The following GGCX variants were observed in gnomAD, a reference collection of about 807,000 sequenced individuals.
GGCX encodes vitamin K-dependent gamma-carboxylase.
Under a neutral mutation model 88.5 loss-of-function variants are expected in GGCX, and 63 were observed. The observed-to-expected ratio is 0.71, with a 90% confidence interval of 0.58 to 0.88. GGCX has a LOEUF of 0.88. Among genes scored for constraint, GGCX ranks in the 40% least tolerant of loss-of-function variants. The probability of loss-of-function intolerance (pLI) is 0.00; values close to 1 mark genes in which losing one functional copy is unlikely to be tolerated. For synonymous variants in GGCX, 368 were observed against 365.8 expected (o/e 1.01, Z -0.07); for missense variants, 805 against 932.9 (o/e 0.86, Z 1.79).
Position 85,546,079 on chromosome 2 carries a change from A to G in GGCX, c.*3855T>C, listed in dbSNP as rs1427145508. ...AGCTTGTCCTGCAAATGTAGAGCCA[A>G]GGAGTGCTTGCTTATGCCTGTTTGC... On this transcript the variant is annotated 3_prime_UTR_variant, in exon 15 of 15. Transcript: ENST00000233838. 6.6e-6 allele frequency: 1 copy of G among 152,244 alleles called. No individual in the cohort carries two copies. The highest frequency in any genetic ancestry group is 2.4e-5 in the African/African-American group (1 of 41,460). 9.4% of individuals were successfully genotyped at this position (152,244 alleles called of 1,614,324 possible).
At position 85,550,641 on chromosome 2, in the gene GGCX, G is replaced by A. The variant is rs774180247; in HGVS notation, c.1998C>T (p.Leu666=). ...VQTFLRRQQR[L]QEIERRRNTP... is the part of the protein sequence containing the mutation. ...TATTTCGCCGGCGTTCAATCTCCTG[G>A]AGCCTTTGTTGGCGTCTAAGAAAGG... Residue 666 remains leucine, a synonymous_variant, in exon 14 of 15, where the codon CTC becomes CTT. Coordinates refer to ENST00000233838, the MANE Select transcript of GGCX (RefSeq NM_000821.7). 1 of 1,613,922 alleles carries A rather than the reference G, an allele frequency of 6.2e-7. No individual in the cohort carries two copies. The highest frequency in any genetic ancestry group is 8.5e-7 in the Non-Finnish European group (1 of 1,179,822).
chr2:85,554,319 G>A lies in GGCX; in HGVS notation c.726-13C>T, dbSNP rs774119899. 6.2e-7 allele frequency: 1 copy of A among 1,613,184 alleles called. No individual in the cohort carries two copies. Among genetic ancestry groups the A allele is most frequent in the Non-Finnish European group, 8.5e-7 (1 of 1,179,462 alleles). On this transcript the variant is annotated splice_polypyrimidine_tract_variant and intron_variant, in intron 6 of 14. Coordinates refer to ENST00000233838, the MANE Select transcript of GGCX (RefSeq NM_000821.7). ...AGACAACAGCAGTCTGCAAACACAT[G>A]GAGAAAGTTCAAGCACCAGCCCACT...
Position 85,554,379 on chromosome 2 carries a change from G to A in GGCX, c.726-73C>T, listed in dbSNP as rs1420279886. 8.6e-6 allele frequency: 12 copies of A among 1,391,210 alleles called. No homozygotes were observed. In the African/African-American group the frequency reaches 1.4e-4, roughly 16 times the overall value. The allele number at this position is 1,391,210 out of a possible 1,614,324, so 86.2% of individuals were successfully genotyped here. A position where few individuals can be genotyped will look rare whatever the true frequency, so the allele number is the denominator to read the frequency against. On this transcript the variant is annotated intron_variant, in intron 6 of 14. Transcript: ENST00000233838. Reference sequence around the variant, plus strand: ...ATCAAAGCACATTCACAGCACGAATGTGCCTTGGCTACTCCAGTGGCTGGG... The same window carrying A: ...ATCAAAGCACATTCACAGCACGAATATGCCTTGGCTACTCCAGTGGCTGGG...
At chr2:85,561,095 T>C (rs1023768002) in intron 1 of GGCX, 110 bp from the exon 2 acceptor site, 4 of 929,640 alleles carry the variant, frequency 4.3e-6, no homozygotes, top group Non-Finnish European at 7.1e-6. Flanking sequence ...GTCGGCTCAA[T>C]GAGGTTGCCT....
chr2:85,555,431 C>A, intron 6 of GGCX, 53 bp downstream of exon 6: 1 of 911,324 alleles, frequency 1.1e-6, no homozygotes, highest in South Asian at 1.3e-5. Context: ...AGAGATGAGT[C>A]ACCTGCTCTG....
chr2:85,560,728 G>T (rs1692405578), intron 2 of GGCX, 87 bp downstream of exon 2: 1 of 1,013,898 alleles, frequency 9.9e-7, no homozygotes, highest in African/African-American at 1.6e-5. Context: ...CTGAGGAAAA[G>T]GGAGCTAAGT....
chr2:85,559,111 C>T, intron 2 of GGCX, 36 bp from the exon 3 acceptor site: 1 of 1,584,062 alleles, frequency 6.3e-7, no homozygotes, highest in Non-Finnish European at 8.7e-7. Context: ...CATTGGGCCT[C>T]AGCTAAGGAA....
intron 6 of GGCX, chr2:85,555,148 G>A (rs1692155738): frequency 7.1e-6 from 2 of 282,770 alleles, no homozygotes; most frequent in Non-Finnish European, 1.4e-5. Flanking sequence ...GGCTCTGATG[G>A]GAGGCTAGAG....
Position 85,553,831 on chromosome 2 carries a change from C to G in GGCX, c.889+312G>C, listed in dbSNP as rs1290448578. 3 of 469,340 alleles carry G rather than the reference C, an allele frequency of 6.4e-6. No homozygotes were observed. The Middle Eastern group carries it at 1.8e-3, about 285-fold the overall frequency. 29.1% of individuals were successfully genotyped at this position (469,340 alleles called of 1,614,324 possible). On this transcript the variant is annotated intron_variant, in intron 7 of 14. Coordinates refer to ENST00000233838, the MANE Select transcript of GGCX (RefSeq NM_000821.7). The stretch of plus-strand genomic sequence containing the variant: ...GGTCAGGCCGGTCTCGAACTCCTGA[C>G]CTCAGGTGATCCACCCACCTCGGCC...
At chr2:85,552,894 A>G (rs1416722832) in intron 9 of GGCX, 45 bp downstream of exon 9, 1 of 1,609,176 alleles carries the variant, frequency 6.2e-7, no homozygotes, top group East Asian at 2.2e-5. Flanking sequence ...CCAAAGCACA[A>G]GGGGGCTCTG....
intron 6 of GGCX, 60 bp downstream of exon 6, chr2:85,555,424 G>C (rs921805421): frequency 3.3e-5 from 29 of 869,794 alleles, no homozygotes; most frequent in Admixed American, 2.1e-4. Context: ...TACTGAGAGA[G>C]ATGAGTCACC....
At position 85,544,757 on chromosome 2, in the gene GGCX, A is replaced by C. The variant is rs1691577000; in HGVS notation, c.*5177T>G. The stretch of plus-strand genomic sequence containing the variant: ...TGTTTTATTTTCAAAACCAGGTCCA[A>C]TGAGCTTTCTGAACAGCTGGTGTAG... On this transcript the variant is annotated 3_prime_UTR_variant, in exon 15 of 15. Coordinates refer to ENST00000233838, the MANE Select transcript of GGCX (RefSeq NM_000821.7). 2 of 152,602 alleles carry C rather than the reference A, an allele frequency of 1.3e-5. No homozygotes were observed. The highest frequency in any genetic ancestry group is 4.8e-5 in the African/African-American group (2 of 41,434). The allele number at this position is 152,602 out of a possible 1,614,324, so 9.5% of individuals were successfully genotyped here. A position where few individuals can be genotyped will look rare whatever the true frequency, so the allele number is the denominator to read the frequency against.
chr2:85,553,773 G>A (rs1692085200), intron 7 of GGCX: 1 of 481,178 alleles, frequency 2.1e-6, no homozygotes, highest in South Asian at 2.1e-5. Flanking sequence ...CTAAGTTTTT[G>A]TATTTTTAGT....
intron 2 of GGCX, 62 bp from the exon 3 acceptor site, chr2:85,559,137 G>A: frequency 7.3e-7 from 1 of 1,369,656 alleles, no homozygotes; most frequent in Non-Finnish European, 1.0e-6. Context: ...AGAATACAGT[G>A]GAACACAGTT....
At chr2:85,561,278 GACCC>G in intron 1 of GGCX, 104 bp downstream of exon 1, 1 of 567,868 alleles carries the variant, frequency 1.8e-6, no homozygotes. Context: ...CCCCACAGAG[GACCC>G]CCCCCCCGCC....
In GGCX at chr2:85,548,623, G is replaced by A. The variant is rs192232821; in HGVS notation, c.*1311C>T. 6.6e-6 allele frequency: 1 copy of A among 152,306 alleles called. No individual in the cohort carries two copies. The highest frequency in any genetic ancestry group is 1.9e-4 in the East Asian group (1 of 5,184). 9.4% of individuals were successfully genotyped at this position (152,306 alleles called of 1,614,324 possible). A position where few individuals can be genotyped will look rare whatever the true frequency, so the allele number is the denominator to read the frequency against. On this transcript the variant is annotated 3_prime_UTR_variant, in exon 15 of 15. Coordinates refer to ENST00000233838, the MANE Select transcript of GGCX (RefSeq NM_000821.7). ...CAAAGAGATGCAATCATTTACAGAA[G>A]TTACTGAGACTGCCAATTTACTACC... is the stretch of plus-strand genomic sequence containing the variant.
At chr2:85,553,835 A>G in intron 7 of GGCX, 1 of 470,216 alleles carries the variant, frequency 2.1e-6, no homozygotes, top group Non-Finnish European at 3.9e-6. Flanking sequence ...TCCTGACCTC[A>G]GGTGATCCAC....
At position 85,552,499 on chromosome 2, in the gene GGCX, GC is replaced by G; in HGVS notation, c.1355del (p.Ser452ThrfsTer55). 2.5e-6 allele frequency: 4 copies of G among 1,613,598 alleles called. No individual in the cohort carries two copies. Among genetic ancestry groups the G allele is most frequent in the Non-Finnish European group, 3.4e-6 (4 of 1,179,566 alleles). Reference protein sequence around the residue: ...DMLKQYATCLSRLLPKYNVTE... With the variant: ...DMLKQYATCLXRLLPKYNVTE... ...TGACATTATACTTGGGAAGCAGGCG[GC>G]TCAGGCAAGTGGCATATTGCTTCAG... On this transcript the variant is annotated frameshift_variant, in exon 10 of 15. Transcript: ENST00000233838. LOFTEE classifies it high-confidence loss of function.
rs948686369 is a variant in GGCX, at chr2:85,548,606, T to G, written c.*1328A>C. On this transcript the variant is annotated 3_prime_UTR_variant, in exon 15 of 15. Transcript: ENST00000233838. ...ATGGGAAGAGAAGCCTGCAAAGAGATGCAATCATTTACAGAAGTTACTGAG... is the reference window on the plus strand; with the variant it reads ...ATGGGAAGAGAAGCCTGCAAAGAGAGGCAATCATTTACAGAAGTTACTGAG... The G allele has an allele frequency of 6.6e-6, 1 of 152,186 alleles. No homozygotes were observed. Among genetic ancestry groups the G allele is most frequent in the African/African-American group, 2.4e-5 (1 of 41,432 alleles). The allele number at this position is 152,186 out of a possible 1,614,324, so 9.4% of individuals were successfully genotyped here.
Sources: gnomAD v4.1 joint callset for allele counts on GRCh38, gnomAD v4.1.1 for gene constraint, MANE v1.5 for transcripts, NCBI Gene and HGNC (gene_info 2026-07-23, HGNC 2026-07-21) for gene names.